Variants in HTR7 observed in about 807,000 individuals in gnomAD.
HTR7 encodes the protein 5-hydroxytryptamine receptor 7, also known as 5-HT-7.
A neutral mutation model predicts 34.0 loss-of-function variants in HTR7; 16 were observed. The ratio of observed to expected loss-of-function variants is 0.47; its 90% CI spans 0.32 to 0.71. HTR7 has a LOEUF of 0.71. Among genes scored for constraint, HTR7 ranks in the 30% least tolerant of loss-of-function variants. The pLI, the probability that HTR7 is intolerant of heterozygous loss-of-function variation, is 0.04. For missense variants in HTR7, 504 were observed against 625.5 expected (o/e 0.81, Z 2.07); for synonymous variants, 265 against 260.2 (o/e 1.02, Z -0.18).
At chr10:90,771,271 C>T (rs1230037675) in intron 1 of HTR7, among the ~76,000 whole-genome samples, 1 of 152,210 alleles carries the variant, frequency 6.6e-6, no homozygotes, top group Non-Finnish European at 1.5e-5. Context: ...TAAAGCTCCT[C>T]TTCGTCTTGC....
chr10:90,782,476 T>C (rs542158619), intron 1 of HTR7, among the ~76,000 whole-genome samples: 23 of 152,152 alleles, frequency 1.5e-4, no homozygotes, highest in Non-Finnish European at 3.1e-4. Context: ...ATGATGGCAA[T>C]GATGAAGTTA....
chr10:90,807,822 C>A (rs1845728059), intron 1 of HTR7, among the ~76,000 whole-genome samples: 1 of 152,142 alleles, frequency 6.6e-6, no homozygotes, highest in Non-Finnish European at 1.5e-5. Flanking sequence ...TGAAAAAGAT[C>A]CACCTACGAC....
rs765371698 is a variant in HTR7 at position 90,749,661 on chromosome 10, G to A, written c.540-67C>T. The A allele has an allele frequency of 8.8e-6, 13 of 1,471,426 alleles. No homozygotes were observed. The highest frequency in any genetic ancestry group is 5.8e-5 in the Admixed American group (3 of 51,414). 91.1% of individuals were successfully genotyped at this position (1,471,426 alleles called of 1,614,324 possible). ...ATAACTGGTCAACCAAGCAAGTCCT[G>A]CCAGCCAGGTACCAGCGCCAGTCCT... On this transcript the variant is annotated intron_variant, in intron 1 of 3. Transcript: ENST00000336152. The surrounding 1 kb of genome is among the most constrained non-coding windows in gnomAD (Gnocchi z 4.2).
In HTR7 at chr10:90,833,017, G is replaced by A. The variant is rs535243962; in HGVS notation, c.539+24116C>T. Among the ~76,000 whole-genome samples, 4 of 152,352 alleles carry A rather than the reference G, an allele frequency of 2.6e-5. No homozygotes were observed. In the East Asian group the frequency reaches 7.7e-4, roughly 29 times the overall value. ...AACAGCATGTCAGTTTCCCAGGGAA[G>A]AGGATGGGGTGGAGGAAGGTGGAGT... On this transcript the variant is annotated intron_variant, in intron 1 of 3. Coordinates refer to ENST00000336152, the MANE Select transcript of HTR7 (RefSeq NM_019859.4).
Position 90,815,093 on chromosome 10 carries a change from T to G in HTR7, c.539+42040A>C, listed in dbSNP as rs1034032241. 3.9e-5 allele frequency among the ~76,000 whole-genome samples: 6 copies of G among 152,062 alleles called. No individual in the cohort carries two copies. In the East Asian group the frequency reaches 1.2e-3, roughly 29 times the overall value. On this transcript the variant is annotated intron_variant, in intron 1 of 3. Coordinates refer to ENST00000336152, the MANE Select transcript of HTR7 (RefSeq NM_019859.4). ...GTTGGATTTTTTTTTTGTTTTTTTT[T>G]TTGTTTTGTTTTTTTTGAGATGTAG...
At chr10:90,758,009 G>A (rs1022121174) in intron 1 of HTR7, among the ~76,000 whole-genome samples, 3 of 152,080 alleles carry the variant, frequency 2.0e-5, no homozygotes, top group Non-Finnish European at 2.9e-5. Flanking sequence ...ACATCATCAG[G>A]GCAGATCTAA....
At chr10:90,822,783 C>T (rs1240122677) in intron 1 of HTR7, among the ~76,000 whole-genome samples, 2 of 152,220 alleles carry the variant, frequency 1.3e-5, no homozygotes, top group African/African-American at 4.8e-5. Context: ...GAACCTGCTG[C>T]TCTGTGCAGC....
At chr10:90,835,075 T>G (rs956880987) in intron 1 of HTR7, among the ~76,000 whole-genome samples, 1 of 152,176 alleles carries the variant, frequency 6.6e-6, no homozygotes, top group African/African-American at 2.4e-5. Flanking sequence ...CAAGATGTAG[T>G]AATGTGTATG....
chr10:90,757,109 A>G (rs540723697), intron 1 of HTR7, among the ~76,000 whole-genome samples: 89 of 152,334 alleles, frequency 5.8e-4, no homozygotes, highest in Non-Finnish European at 1.1e-3. Context: ...ATGGCATAAA[A>G]CCTTAGCTAA....
chr10:90,765,552 T>C (rs1845008576), intron 1 of HTR7, among the ~76,000 whole-genome samples: 1 of 151,964 alleles, frequency 6.6e-6, no homozygotes, highest in African/African-American at 2.4e-5. Flanking sequence ...ATCTTTATTA[T>C]GTCCTTCCTC....
chr10:90,748,881 G>A lies in HTR7; in HGVS notation c.1253C>T (p.Ala418Val). 1 of 1,614,136 alleles carries A rather than the reference G, an allele frequency of 6.2e-7. No individual in the cohort carries two copies. The highest frequency in any genetic ancestry group is 8.5e-7 in the Non-Finnish European group (1 of 1,179,996). Residue 418 changes from alanine to valine, a missense_variant, in exon 2 of 4, where the codon GCC (alanine) becomes GTC (valine). By Grantham distance (64) the Ala-to-Val change is moderately conservative. This residue lies in a region of HTR7 where 154 missense variants were observed against 212.1 expected (regional missense o/e 0.73). Coordinates refer to ENST00000336152, the MANE Select transcript of HTR7 (RefSeq NM_019859.4). The part of the protein sequence containing the change: ...RKLSAAGMHE[A>V]LKLAERPERP... ...CTCTGGCCTCTCAGCAAGCTTCAGGGCTTCATGCATGCCTGCAGCTGAGAG... is the reference window on the plus strand; with the variant it reads ...CTCTGGCCTCTCAGCAAGCTTCAGGACTTCATGCATGCCTGCAGCTGAGAG...
At chr10:90,751,094 G>A (rs1253552503) in intron 1 of HTR7, among the ~76,000 whole-genome samples, 3 of 152,172 alleles carry the variant, frequency 2.0e-5, no homozygotes, top group Admixed American at 6.5e-5. Context: ...TTCTTCATTT[G>A]CAAACTTCCG....
At chr10:90,844,927 T>A (rs1313369702) in intron 1 of HTR7, among the ~76,000 whole-genome samples, 3 of 151,876 alleles carry the variant, frequency 2.0e-5, no homozygotes, top group Non-Finnish European at 4.4e-5. Context: ...CAGGTGATTC[T>A]AACATGCAGC....
chr10:90,837,202 T>C (rs1846266796), intron 1 of HTR7, among the ~76,000 whole-genome samples: 2 of 152,252 alleles, frequency 1.3e-5, no homozygotes, highest in Non-Finnish European at 2.9e-5. Flanking sequence ...GTGTTTCTAC[T>C]CTAGTAGAAT....
chr10:90,797,024 A>T (rs1054528387), intron 1 of HTR7, among the ~76,000 whole-genome samples: 2 of 152,038 alleles, frequency 1.3e-5, no homozygotes, highest in African/African-American at 4.8e-5. Context: ...AAAAAAAAAA[A>T]AACCGACAAA....
At position 90,741,259 on chromosome 10, in the gene HTR7, T is replaced by A. The variant is rs1844537676; in HGVS notation, c.*1223A>T. The stretch of plus-strand genomic sequence containing the variant: ...TCTATTCTCATCTACTGTCTTTCTG[T>A]CTCCTTAGCTCTTAATTACTACATA... On this transcript the variant is annotated 3_prime_UTR_variant, in exon 4 of 4. Transcript: ENST00000336152. The A allele has an allele frequency of 6.6e-6, 1 of 152,614 alleles. No individual in the cohort carries two copies. Among genetic ancestry groups the A allele is most frequent in the Non-Finnish European group, 1.5e-5 (1 of 68,030 alleles). The allele number at this position is 152,614 out of a possible 1,614,324, so 9.5% of individuals were successfully genotyped here.
intron 1 of HTR7, among the ~76,000 whole-genome samples, chr10:90,814,600 C>G (rs1197420331): frequency 6.6e-6 from 1 of 152,016 alleles, no homozygotes; most frequent in African/African-American, 2.4e-5. Context: ...AGAAAGAAAA[C>G]AATGATAGAA....
intron 1 of HTR7, among the ~76,000 whole-genome samples, chr10:90,802,996 CTTTTT>C (rs35715510): frequency 5.6e-5 from 5 of 89,010 alleles, no homozygotes; most frequent in African/African-American, 2.2e-4. Flanking sequence ...CATTTGTGGC[CTTTTT>C]TTTTTTTTTT....
intron 1 of HTR7, among the ~76,000 whole-genome samples, chr10:90,808,472 C>A (rs569185598): frequency 6.6e-6 from 1 of 152,158 alleles, no homozygotes; most frequent in Non-Finnish European, 1.5e-5. Context: ...TGTATCTCTG[C>A]GCCCCGATCC....
Sources: gnomAD v4.1 joint callset for allele counts (sites outside exome capture counted in the v4.1 genomes callset) on GRCh38, gnomAD v4.1.1 for gene constraint, gnomAD v4.1.1 regional missense constraint, Gnocchi (gnomAD v3.1) non-coding constraint, MANE v1.5 for transcripts, NCBI Gene and HGNC (gene_info 2026-07-23, HGNC 2026-07-21) for gene names.